The following MTUS2 variants were observed in gnomAD, a reference collection of about 807,000 sequenced individuals.
The protein encoded by MTUS2 is microtubule-associated tumor suppressor candidate 2.
In MTUS2, 40 loss-of-function variants were observed where a neutral mutation model predicts 114.1. The ratio of observed to expected loss-of-function variants is 0.35; its 90% confidence interval spans 0.27 to 0.46. MTUS2 has a LOEUF of 0.46. MTUS2 is among the 20% of genes least tolerant of loss of function. The pLI is 1.00. For synonymous variants in MTUS2, 688 were observed against 672.0 expected (o/e 1.02, Z -0.37); for missense variants, 1,679 against 1,705.4 (o/e 0.98, Z 0.27).
At chr13:29,478,123 G>A (rs1012329322) in intron 9 of MTUS2, among the ~76,000 whole-genome samples, 2 of 152,186 alleles carry the variant, frequency 1.3e-5, no homozygotes, top group African/African-American at 2.4e-5. Flanking sequence ...AAAAGTCAAG[G>A]AAAGACTGAG....
chr13:29,216,949 G>A (rs578179589), intron 5 of MTUS2, among the ~76,000 whole-genome samples: 1 of 152,262 alleles, frequency 6.6e-6, no homozygotes, highest in Admixed American at 6.5e-5. Context: ...CATCCTAGTG[G>A]GTGTGAGGTG....
intron 3 of MTUS2, among the ~76,000 whole-genome samples, chr13:29,027,538 T>A (rs369196244): frequency 3.3e-5 from 5 of 152,096 alleles, no homozygotes; most frequent in Non-Finnish European, 5.9e-5. Flanking sequence ...TTTTTGTTTG[T>A]TTATGTTTTT....
At chr13:29,370,271 C>T (rs949097865) in intron 8 of MTUS2, among the ~76,000 whole-genome samples, 1 of 152,000 alleles carries the variant, frequency 6.6e-6, no homozygotes, top group Non-Finnish European at 1.5e-5. Context: ...AACTTAATTG[C>T]CATTGTAACA....
intron 5 of MTUS2, among the ~76,000 whole-genome samples, chr13:29,169,345 C>T (rs1011670193): frequency 2.6e-5 from 4 of 152,004 alleles, no homozygotes; most frequent in Non-Finnish European, 4.4e-5. Flanking sequence ...AAGACAGCTT[C>T]TTAGAATTTA....
At chr13:29,044,037 T>C (rs951866575) in intron 4 of MTUS2, among the ~76,000 whole-genome samples, 14 of 152,164 alleles carry the variant, frequency 9.2e-5, no homozygotes, top group Non-Finnish European at 1.8e-4. Flanking sequence ...GTTACTCATT[T>C]AATTGCCATT....
intron 2 of MTUS2, among the ~76,000 whole-genome samples, chr13:28,974,757 A>G (rs889732202): frequency 1.3e-5 from 2 of 152,190 alleles, no homozygotes; most frequent in African/African-American, 4.8e-5. Context: ...GCTAATAGTA[A>G]GAGGAAATTT....
intron 8 of MTUS2, among the ~76,000 whole-genome samples, chr13:29,423,141 T>A (rs996825031): frequency 1.3e-5 from 2 of 152,208 alleles, no homozygotes; most frequent in Admixed American, 1.3e-4. Flanking sequence ...ATTTTTCCTC[T>A]ACCTGGAATT....
intron 4 of MTUS2, among the ~76,000 whole-genome samples, chr13:29,099,046 G>A (rs544719701): frequency 1.1e-4 from 17 of 152,264 alleles, no homozygotes; most frequent in East Asian, 3.9e-4. Context: ...TCAATTTGTC[G>A]TAAATTCACT....
At chr13:28,883,142 C>T (rs1010773286) in intron 2 of MTUS2, among the ~76,000 whole-genome samples, 2 of 152,032 alleles carry the variant, frequency 1.3e-5, no homozygotes, top group Non-Finnish European at 2.9e-5. Context: ...ATAAAAATAG[C>T]GAGAATACCA....
intron 5 of MTUS2, among the ~76,000 whole-genome samples, chr13:29,125,112 A>G (rs975595427): frequency 2.6e-5 from 4 of 152,232 alleles, no homozygotes; most frequent in Non-Finnish European, 5.9e-5. Context: ...CAGTTAGAAA[A>G]TAAATTTTAA....
At chr13:29,035,589 CTT>C (rs953825717) in intron 4 of MTUS2, among the ~76,000 whole-genome samples, 2 of 152,200 alleles carry the variant, frequency 1.3e-5, no homozygotes, top group African/African-American at 4.8e-5. Flanking sequence ...TAATTCTCTT[CTT>C]TTCTTTCTGC....
rs532953834 is a variant in MTUS2 at position 29,221,956 on chromosome 13, G to A, written c.2645-59748G>A. Reference sequence around the variant, plus strand: ...GATGTCTCATTTTATTTTCTTTTTAGAGATAGAGTCTCACTATATTGCCCA... The same window carrying A: ...GATGTCTCATTTTATTTTCTTTTTAAAGATAGAGTCTCACTATATTGCCCA... On this transcript the variant is annotated intron_variant, in intron 5 of 15. Transcript: ENST00000612955. Among the ~76,000 whole-genome samples, 5 of 151,996 alleles carry A rather than the reference G, an allele frequency of 3.3e-5. No individual in the cohort carries two copies. The East Asian group carries it at 7.7e-4, about 24-fold the overall frequency.
At chr13:29,334,924 G>T (rs1257712667) in intron 7 of MTUS2, among the ~76,000 whole-genome samples, 2 of 152,264 alleles carry the variant, frequency 1.3e-5, no homozygotes, top group East Asian at 1.9e-4. Context: ...GCTCAGGAGG[G>T]TGTATGTTGC....
intron 8 of MTUS2, among the ~76,000 whole-genome samples, chr13:29,365,346 C>T (rs1870612731): frequency 6.6e-6 from 1 of 152,108 alleles, no homozygotes; most frequent in Non-Finnish European, 1.5e-5. Context: ...ATGGAAGATC[C>T]TTGATACTGA....
chr13:29,216,051 C>G (rs553443130), intron 5 of MTUS2, among the ~76,000 whole-genome samples: 1 of 152,148 alleles, frequency 6.6e-6, no homozygotes, highest in African/African-American at 2.4e-5. Flanking sequence ...CTGGGGCTGC[C>G]GCCTTTCTTT....
intron 5 of MTUS2, among the ~76,000 whole-genome samples, chr13:29,110,053 TACAG>T (rs1281581068): frequency 6.6e-6 from 1 of 152,236 alleles, no homozygotes; most frequent in Non-Finnish European, 1.5e-5. Context: ...ATTTACAAAA[TACAG>T]ACAAGGAAAA....
chr13:29,219,719 A>G (rs993048688), intron 5 of MTUS2, among the ~76,000 whole-genome samples: 1 of 152,166 alleles, frequency 6.6e-6, no homozygotes, highest in African/African-American at 2.4e-5. Flanking sequence ...CATCTGGATA[A>G]CTTTCTGCCG....
intron 6 of MTUS2, among the ~76,000 whole-genome samples, chr13:29,304,024 A>G (rs1416094768): frequency 2.0e-5 from 3 of 152,192 alleles, no homozygotes. Flanking sequence ...AGAATTTCAG[A>G]TCTGGCCAAA....
At position 29,450,044 on chromosome 13, in the gene MTUS2, G is replaced by C. The variant is rs558718500; in HGVS notation, c.3184+9995G>C. On this transcript the variant is annotated intron_variant, in intron 9 of 15. Coordinates refer to ENST00000612955, the MANE Select transcript of MTUS2 (RefSeq NM_001033602.4). ...AGGACCATGATGCCCCCCGACCACG[G>C]TGCAGTGTGACACTTGGTGTGACAG... 4.7e-4 allele frequency among the ~76,000 whole-genome samples: 71 copies of C among 152,290 alleles called. 1 individual carries two copies. Among genetic ancestry groups the C allele is most frequent in the African/African-American group, 1.6e-3 (66 of 41,554 alleles).
Sources: gnomAD v4.1 joint callset for allele counts (sites outside exome capture counted in the v4.1 genomes callset) on GRCh38, gnomAD v4.1.1 for gene constraint, MANE v1.5 for transcripts, NCBI Gene and HGNC (gene_info 2026-07-23, HGNC 2026-07-21) for gene names.